Variants in GRM5 observed in about 807,000 individuals in gnomAD.
GRM5 encodes glutamate metabotropic receptor 5, also known as metabotropic glutamate receptor 5.
A neutral mutation model predicts 83.1 loss-of-function variants in GRM5; 19 were observed. The ratio of observed to expected loss-of-function variants is 0.23; its 90% CI spans 0.16 to 0.34. GRM5 has a LOEUF of 0.34. GRM5 is among the 10% of genes least tolerant of loss of function. The pLI is 1.00. For missense variants in GRM5, 1,160 were observed against 1,588.3 expected (o/e 0.73, Z 4.58); for synonymous variants, 675 against 633.6 (o/e 1.07, Z -0.98).
chr11:88,753,685 A>G (rs547582096), intron 3 of GRM5, among the ~76,000 whole-genome samples: 3 of 152,194 alleles, frequency 2.0e-5, no homozygotes, highest in Admixed American at 6.5e-5. Context: ...ATCCCCATCA[A>G]TGATAGGCTG....
chr11:88,929,644 C>T (rs550679235), intron 2 of GRM5, among the ~76,000 whole-genome samples: 249 of 152,170 alleles, frequency 1.6e-3, no homozygotes, highest in Non-Finnish European at 2.4e-3. Flanking sequence ...ATCTTGTAAA[C>T]TTAAGTTTAT....
In GRM5 at chr11:88,747,634, A is replaced by G. The variant is rs12222833; in HGVS notation, c.912-94231T>C. On this transcript the variant is annotated intron_variant, in intron 3 of 9. Coordinates refer to ENST00000305447, the MANE Select transcript of GRM5 (RefSeq NM_001143831.3). ...AGGTAGATAAGAAAAATTCACTAGA[A>G]TATACATACTTTACTTCTCAGATTT... Among the ~76,000 whole-genome samples the G allele has an allele frequency of 3.2e-4, 49 of 152,214 alleles. No homozygotes were observed. In the East Asian group the frequency reaches 5.4e-3, roughly 17 times the overall value.
At chr11:88,903,157 T>C (rs541845194) in intron 2 of GRM5, among the ~76,000 whole-genome samples, 94 of 151,870 alleles carry the variant, frequency 6.2e-4, no homozygotes, top group Non-Finnish European at 1.1e-3. Context: ...GCGAAGCAAA[T>C]GCGAAGGCCC....
At chr11:88,572,174 A>AT (rs919133267) in intron 7 of GRM5, among the ~76,000 whole-genome samples, 13 of 152,212 alleles carry the variant, frequency 8.5e-5, no homozygotes, top group African/African-American at 3.1e-4. Flanking sequence ...TGTGGAAGTT[A>AT]CAGCTTTAGG....
intron 2 of GRM5, among the ~76,000 whole-genome samples, chr11:89,026,953 A>G (rs982299693): frequency 6.6e-6 from 1 of 152,182 alleles, no homozygotes; most frequent in East Asian, 1.9e-4. Context: ...ATGATTGCAC[A>G]TGGGACAGAA....
intron 4 of GRM5, among the ~76,000 whole-genome samples, chr11:88,613,703 T>A (rs912855679): frequency 6.6e-6 from 1 of 152,168 alleles, no homozygotes; most frequent in Non-Finnish European, 1.5e-5. Context: ...AATTGATATG[T>A]GAGAATTTGA....
In GRM5 at chr11:88,508,302, G is replaced by T; in HGVS notation, c.*290C>A. On this transcript the variant is annotated 3_prime_UTR_variant, in exon 10 of 10. Transcript: ENST00000305447. The surrounding 1 kb of genome is among the most constrained non-coding windows in gnomAD (Gnocchi z 4.2). The stretch of plus-strand genomic sequence containing the variant: ...ACTGCTTCCCTAGAGCAAAGCACTT[G>T]GTATGGAACTGTTTGAAGAGACGCC... 1.1e-5 allele frequency: 3 copies of T among 274,336 alleles called. No individual in the cohort carries two copies. In the East Asian group the frequency reaches 2.4e-4, roughly 22 times the overall value. The allele number at this position is 274,336 out of a possible 1,614,324, so 17.0% of individuals were successfully genotyped here.
intron 2 of GRM5, among the ~76,000 whole-genome samples, chr11:88,863,126 G>T (rs1352500773): frequency 6.6e-6 from 1 of 152,052 alleles, no homozygotes; most frequent in Admixed American, 6.6e-5. Flanking sequence ...TGCTGGTGAG[G>T]TTGTGGAGAA....
chr11:89,042,879 T>C (rs1941564548), intron 2 of GRM5, among the ~76,000 whole-genome samples: 2 of 152,198 alleles, frequency 1.3e-5, no homozygotes, highest in Non-Finnish European at 2.9e-5. Flanking sequence ...GAAGACCATA[T>C]CTTCAATAAT....
At chr11:88,639,208 T>A (rs979817422) in intron 4 of GRM5, among the ~76,000 whole-genome samples, 3 of 152,140 alleles carry the variant, frequency 2.0e-5, no homozygotes, top group African/African-American at 7.2e-5. Context: ...AGTGGTTCTG[T>A]CCCGGGTCAT....
intron 2 of GRM5, among the ~76,000 whole-genome samples, chr11:89,000,054 C>T (rs1163202231): frequency 6.6e-6 from 1 of 151,692 alleles, no homozygotes; most frequent in Admixed American, 6.6e-5. Context: ...CACATGGACA[C>T]AGGAAGGGGA....
intron 2 of GRM5, among the ~76,000 whole-genome samples, chr11:88,967,769 G>T (rs1939030981): frequency 6.6e-6 from 1 of 152,084 alleles, no homozygotes; most frequent in African/African-American, 2.4e-5. Flanking sequence ...TGCATGTTGA[G>T]AATTGAGTGA....
intron 3 of GRM5, among the ~76,000 whole-genome samples, chr11:88,705,731 T>A: frequency 6.6e-6 from 1 of 151,982 alleles, no homozygotes; most frequent in East Asian, 1.9e-4. Flanking sequence ...GATTAATCTC[T>A]AAAAAATCCA....
At chr11:88,677,791 T>C (rs1343584258) in intron 3 of GRM5, among the ~76,000 whole-genome samples, 4 of 152,152 alleles carry the variant, frequency 2.6e-5, no homozygotes, top group Non-Finnish European at 5.9e-5. Context: ...TTCCATTTGA[T>C]TTGCTACATT....
At position 88,508,833 on chromosome 11, in the gene GRM5, G is replaced by A. The variant is rs1308649459; in HGVS notation, c.3398C>T (p.Ala1133Val). Residue 1133 changes from alanine to valine, a missense_variant, in exon 10 of 10, where the codon GCG (alanine) becomes GTG (valine). Coordinates refer to ENST00000305447, the MANE Select transcript of GRM5 (RefSeq NM_001143831.3). This position sits in a 1 kb window ranked among gnomAD's most constrained non-coding sequence, Gnocchi z 4.2. Reference sequence around the variant, plus strand: ...CCGGGCCGCGTCCCCAGCCGCCTGCGCCCCTGCCGCGGGCTGCGCGCCTCC... The same window carrying A: ...CCGGGCCGCGTCCCCAGCCGCCTGCACCCCTGCCGCGGGCTGCGCGCCTCC... ...VTGGAQPAAG[A>V]QAAGDAARES... 5 of 1,541,468 alleles carry A rather than the reference G, an allele frequency of 3.2e-6. No individual in the cohort carries two copies. The highest frequency in any genetic ancestry group is 3.5e-6 in the Non-Finnish European group (4 of 1,144,460).
intron 3 of GRM5, among the ~76,000 whole-genome samples, chr11:88,787,131 ATGTGTGTGTGTGTGTGTGTGTG>A (rs57116541): frequency 7.0e-6 from 1 of 143,342 alleles, no homozygotes; most frequent in African/African-American, 2.6e-5. Flanking sequence ...ATATGATATG[ATGTGTGTGTGTGTGTGTGTGTG>A]TGTGTGTGTG....
At chr11:88,800,483 A>G (rs1699257759) in intron 3 of GRM5, among the ~76,000 whole-genome samples, 1 of 152,080 alleles carries the variant, frequency 6.6e-6, no homozygotes, top group Non-Finnish European at 1.5e-5. Flanking sequence ...TTCCAGTAGT[A>G]AATTTTGTGT....
At chr11:88,824,812 C>T (rs1034544303) in intron 3 of GRM5, among the ~76,000 whole-genome samples, 2 of 152,022 alleles carry the variant, frequency 1.3e-5, no homozygotes, top group Admixed American at 6.6e-5. Flanking sequence ...TTTACCAGTA[C>T]CTACATATGG....
intron 2 of GRM5, among the ~76,000 whole-genome samples, chr11:88,888,364 A>C (rs1945081148): frequency 6.6e-6 from 1 of 152,170 alleles, no homozygotes; most frequent in South Asian, 2.1e-4. Flanking sequence ...GCCAAATGGG[A>C]AAAGAGAAGA....
Sources: gnomAD v4.1 joint callset for allele counts (sites outside exome capture counted in the v4.1 genomes callset) on GRCh38, gnomAD v4.1.1 for gene constraint, Gnocchi (gnomAD v3.1) non-coding constraint, MANE v1.5 for transcripts, NCBI Gene and HGNC (gene_info 2026-07-23, HGNC 2026-07-21) for gene names.